Variants in KRABD5 observed in about 807,000 individuals in gnomAD.
KRABD5 encodes the protein KRAB domain-containing protein 5.
the KRABD5 span, chr16:31,761,117 T>C: frequency 2.6e-5 from 4 of 152,304 alleles, no homozygotes; most frequent in South Asian, 2.1e-4. Context: ...GGAACAGTTA[T>C]GCAAGACAAA....
chr16:31,732,935 A>G, the KRABD5 span, among the ~76,000 whole-genome samples: 1 of 152,180 alleles, frequency 6.6e-6, no homozygotes. Flanking sequence ...TAGAATATCT[A>G]TGATGTATTT....
chr16:31,716,258 C>T, the KRABD5 span, among the ~76,000 whole-genome samples: 5 of 152,100 alleles, frequency 3.3e-5, no homozygotes, highest in Non-Finnish European at 7.4e-5. Context: ...CCTGCATGGA[C>T]ACAGGAGTAA....
chr16:31,750,068 C>A, the KRABD5 span, among the ~76,000 whole-genome samples: 7 of 152,002 alleles, frequency 4.6e-5, no homozygotes, highest in Non-Finnish European at 1.0e-4. Flanking sequence ...TTTTCTAATT[C>A]TGTGAAAAAT....
chr16:31,723,980 T>A, the KRABD5 span, among the ~76,000 whole-genome samples: 1 of 152,210 alleles, frequency 6.6e-6, no homozygotes, highest in Admixed American at 6.5e-5. Context: ...AAATATAATC[T>A]CTGTATGCAC....
the KRABD5 span, chr16:31,759,667 T>C: frequency 3.2e-6 from 1 of 313,028 alleles, no homozygotes; most frequent in Non-Finnish European, 6.2e-6. Context: ...TTTATTTTTA[T>C]GTCTTTAATA....
chr16:31,722,917 T>C, the KRABD5 span, among the ~76,000 whole-genome samples: 2 of 151,860 alleles, frequency 1.3e-5, no homozygotes, highest in Admixed American at 1.3e-4. Context: ...GACTTCCTAA[T>C]GTTTGATCTT....
chr16:31,713,309 C>T, the KRABD5 span: 4 of 1,351,510 alleles, frequency 3.0e-6, no homozygotes, highest in Admixed American at 6.0e-5. Context: ...GGCTCCCAGT[C>T]CTTCCATCTG....
chr16:31,716,389 C>T, the KRABD5 span, among the ~76,000 whole-genome samples: 1 of 152,152 alleles, frequency 6.6e-6, no homozygotes, highest in African/African-American at 2.4e-5. Flanking sequence ...TTTAACTTCC[C>T]CACAAACCCT....
the KRABD5 span, among the ~76,000 whole-genome samples, chr16:31,718,581 T>G: frequency 6.6e-6 from 1 of 152,158 alleles, no homozygotes. Context: ...GCCACAACTG[T>G]CCAGAGCCGT....
the KRABD5 span, among the ~76,000 whole-genome samples, chr16:31,724,548 C>T: frequency 1.3e-5 from 2 of 151,808 alleles, no homozygotes; most frequent in Non-Finnish European, 2.9e-5. Flanking sequence ...AAAAATTAGC[C>T]GGGCGTGGTG....
the KRABD5 span, among the ~76,000 whole-genome samples, chr16:31,742,166 A>C: frequency 7.0e-6 from 1 of 141,992 alleles, no homozygotes; most frequent in African/African-American, 2.6e-5. Flanking sequence ...TTTTTTAAAA[A>C]AAATTTTTTG....
the KRABD5 span, among the ~76,000 whole-genome samples, chr16:31,750,053 A>T: frequency 3.9e-5 from 6 of 152,124 alleles, no homozygotes; most frequent in African/African-American, 1.4e-4. Flanking sequence ...ATTTTAGAAT[A>T]GTTTTTTTCT....
the KRABD5 span, chr16:31,754,348 A>G: frequency 1.6e-6 from 1 of 612,332 alleles, no homozygotes; most frequent in South Asian, 2.0e-5. Flanking sequence ...TGCTTAATCA[A>G]TGTCAAGGAA....
At chr16:31,733,017 A>G in the KRABD5 span, among the ~76,000 whole-genome samples, 1 of 151,938 alleles carries the variant, frequency 6.6e-6, no homozygotes, top group Admixed American at 6.6e-5. Context: ...TTTTTTTCAG[A>G]TAGGTTTCCT....
chr16:31,750,454 G>C, the KRABD5 span, among the ~76,000 whole-genome samples: 1 of 152,084 alleles, frequency 6.6e-6, no homozygotes, highest in Non-Finnish European at 1.5e-5. Flanking sequence ...GTCTTTCCAG[G>C]TGTAGAATCA....
At chr16:31,758,884 CA>C in the KRABD5 span, 2 of 151,788 alleles carry the variant, frequency 1.3e-5, no homozygotes, top group East Asian at 1.9e-4. Context: ...CTATTTGAAA[CA>C]AATTATAACA....
chr16:31,723,258 G>T, the KRABD5 span: 1 of 1,612,902 alleles, frequency 6.2e-7, no homozygotes, highest in Non-Finnish European at 8.5e-7. Context: ...AATAAAACAG[G>T]TCTCGCTGTC....
the KRABD5 span, chr16:31,713,449 G>A: frequency 2.5e-6 from 4 of 1,603,508 alleles, no homozygotes; most frequent in African/African-American, 2.7e-5. Flanking sequence ...AATGTGCCAG[G>A]TCGGGGGTCC....
the KRABD5 span, chr16:31,756,724 A>G: frequency 5.3e-5 from 8 of 152,318 alleles, no homozygotes; most frequent in Middle Eastern, 3.4e-3. Flanking sequence ...GTTTTATTCA[A>G]TATTTTTCTT....
Sources: gnomAD v4.1 joint callset for allele counts (sites outside exome capture counted in the v4.1 genomes callset) on GRCh38, gnomAD v4.1.1 for gene constraint, MANE v1.5 for transcripts, NCBI Gene and HGNC (gene_info 2026-07-23, HGNC 2026-07-21) for gene names.